The following CREB5 variants were observed in gnomAD, a reference collection of about 807,000 sequenced individuals.
The protein encoded by CREB5 is cyclic AMP-responsive element-binding protein 5.
Under a neutral mutation model 57.1 loss-of-function variants are expected in CREB5, and 19 were observed. That is an observed-to-expected ratio of 0.33 (90% CI 0.23 to 0.49). The LOEUF (loss-of-function observed/expected upper bound fraction) is 0.49. Among genes scored for constraint, CREB5 ranks in the 20% least tolerant of loss-of-function variants. The pLI is 0.99. For synonymous variants in CREB5, 238 were observed against 238.3 expected, an observed-to-expected ratio of 1.00 and a Z score of 0.01; for missense variants, 579 against 671.6, an observed-to-expected ratio of 0.86 and a Z score of 1.52.
At chr7:28,790,472 G>GAGAGAGAGAGAGAGAGAGAA (rs1562643098) in intron 7 of CREB5, among the ~76,000 whole-genome samples, 5 of 124,862 alleles carry the variant, frequency 4.0e-5, no homozygotes, top group Admixed American at 7.7e-5. Flanking sequence ...TAGAGAGAGA[G>GAGAGAGAGAGAGAGAGAGAA]AGAAAGAAAG....
intron 1 of CREB5, among the ~76,000 whole-genome samples, chr7:28,399,867 C>T (rs1489829016): frequency 6.6e-6 from 1 of 151,966 alleles, no homozygotes; most frequent in Non-Finnish European, 1.5e-5. Context: ...CCAGCCTGAC[C>T]AACATGGTGA....
At chr7:28,431,914 G>C (rs917550686) in intron 1 of CREB5, among the ~76,000 whole-genome samples, 1 of 148,842 alleles carries the variant, frequency 6.7e-6, no homozygotes, top group African/African-American at 2.5e-5. Context: ...GCAGATAGCT[G>C]TTTAGATTTA....
intron 1 of CREB5, among the ~76,000 whole-genome samples, chr7:28,430,022 A>G (rs1788653725): frequency 6.6e-6 from 1 of 152,230 alleles, no homozygotes; most frequent in Non-Finnish European, 1.5e-5. Flanking sequence ...CTTTGTCAGC[A>G]TAGGGCTGTA....
intron 4 of CREB5, among the ~76,000 whole-genome samples, chr7:28,529,883 G>A (rs903530033): frequency 1.3e-5 from 2 of 152,168 alleles, no homozygotes; most frequent in Admixed American, 6.5e-5. Context: ...TCTACGGTGA[G>A]GCTATTTGGG....
intron 4 of CREB5, among the ~76,000 whole-genome samples, chr7:28,551,934 T>C (rs572910449): frequency 2.0e-4 from 31 of 151,824 alleles, no homozygotes; most frequent in Non-Finnish European, 4.4e-4. Flanking sequence ...CTTTCTTTCT[T>C]TTTTCTCTCT....
At chr7:28,389,518 T>C (rs1787173432) in intron 1 of CREB5, among the ~76,000 whole-genome samples, 1 of 152,190 alleles carries the variant, frequency 6.6e-6, no homozygotes, top group South Asian at 2.1e-4. Flanking sequence ...CAATTTAATC[T>C]TGTCCTCAGA....
intron 4 of CREB5, among the ~76,000 whole-genome samples, chr7:28,560,879 C>CGTGCGTACACGTGCGTGT (rs1795132879): frequency 1.8e-4 from 4 of 22,060 alleles, no homozygotes; most frequent in African/African-American, 3.8e-4. Context: ...CGTGCGCGTG[C>CGTGCGTACACGTGCGTGT]GTGCGTGCGT....
At chr7:28,699,385 TG>T (rs1169602106) in intron 5 of CREB5, among the ~76,000 whole-genome samples, 10 of 152,236 alleles carry the variant, frequency 6.6e-5, no homozygotes, top group African/African-American at 2.4e-4. Context: ...AATTCTATGC[TG>T]GAAGTCATGG....
chr7:28,454,101 T>C (rs177569), intron 1 of CREB5, among the ~76,000 whole-genome samples: 81,564 of 151,538 alleles, frequency 0.54, 22,166 homozygotes, highest in East Asian at 0.68. Context: ...CTACAGGCAC[T>C]CGCCACCACA....
chr7:28,559,574 C>CA (rs58807985), intron 4 of CREB5, among the ~76,000 whole-genome samples: 30,017 of 152,164 alleles, frequency 0.2, 3,357 homozygotes, highest in East Asian at 0.47. Context: ...CTCAGCCTCC[C>CA]AAAAAGCTGG....
intron 5 of CREB5, among the ~76,000 whole-genome samples, chr7:28,689,609 G>A (rs996227518): frequency 6.6e-6 from 1 of 152,046 alleles, no homozygotes; most frequent in Non-Finnish European, 1.5e-5. Flanking sequence ...CCTGTTCTGC[G>A]TTCCTGTATG....
intron 1 of CREB5, among the ~76,000 whole-genome samples, chr7:28,475,909 C>T (rs1209172268): frequency 6.6e-6 from 1 of 152,190 alleles, no homozygotes; most frequent in Non-Finnish European, 1.5e-5. Context: ...AGTCCCTCTT[C>T]CCTGGCTTGC....
chr7:28,786,299 C>T (rs904332622), intron 7 of CREB5, among the ~76,000 whole-genome samples: 1 of 152,012 alleles, frequency 6.6e-6, no homozygotes, highest in Non-Finnish European at 1.5e-5. Context: ...CAGGCTGGAG[C>T]GCAGTGACAC....
chr7:28,740,198 G>A (rs977485571), intron 7 of CREB5, among the ~76,000 whole-genome samples: 2 of 152,282 alleles, frequency 1.3e-5, no homozygotes, highest in East Asian at 3.9e-4. Flanking sequence ...GAACTATGGG[G>A]TAGCTAACTT....
At chr7:28,802,079 A>G (rs111831429) in intron 7 of CREB5, among the ~76,000 whole-genome samples, 717 of 40,454 alleles carry the variant, frequency 0.018, 7 homozygotes, top group African/African-American at 0.1. Context: ...ACTCCATCTG[A>G]AAAAAAAAAA....
chr7:28,652,482 A>G (rs1164412875), intron 5 of CREB5, among the ~76,000 whole-genome samples: 4 of 152,210 alleles, frequency 2.6e-5, no homozygotes, highest in Non-Finnish European at 4.4e-5. Flanking sequence ...TCTATTTAAG[A>G]TAGCACTGTA....
Position 28,778,022 on chromosome 7 carries a change from A to G in CREB5, c.703-26177A>G, listed in dbSNP as rs769568049. Among the ~76,000 whole-genome samples, 127 of 152,204 alleles carry G rather than the reference A, an allele frequency of 8.3e-4. 1 individual carries two copies. The highest frequency in any genetic ancestry group is 1.1e-3 in the Non-Finnish European group (75 of 68,030). On this transcript the variant is annotated intron_variant, in intron 7 of 10. Coordinates refer to ENST00000357727, the MANE Select transcript of CREB5 (RefSeq NM_182898.4). ...ACTGTGATTTATGGAACCATCCCCA[A>G]TGGAGAACGATTTATTGATCTTTTC...
intron 1 of CREB5, among the ~76,000 whole-genome samples, chr7:28,304,261 A>G (rs968636840): frequency 6.6e-6 from 1 of 152,216 alleles, no homozygotes; most frequent in Non-Finnish European, 1.5e-5. Flanking sequence ...TAAATAAATG[A>G]AGATTTATAA....
intron 5 of CREB5, among the ~76,000 whole-genome samples, chr7:28,664,240 A>G (rs1251246825): frequency 6.6e-6 from 1 of 152,238 alleles, no homozygotes; most frequent in Non-Finnish European, 1.5e-5. Flanking sequence ...CCATAGAGAT[A>G]GAATTAACAT....
Sources: allele counts gnomAD v4.1 joint callset (sites outside exome capture counted in the v4.1 genomes callset), GRCh38; gene constraint gnomAD v4.1.1; transcripts MANE v1.5; gene names NCBI Gene and HGNC (gene_info 2026-07-23, HGNC 2026-07-21).